Variants in DCP1B observed in about 807,000 individuals in gnomAD.
The protein encoded by DCP1B is mRNA-decapping enzyme 1B.
Under a neutral mutation model 60.5 loss-of-function variants are expected in DCP1B, and 47 were observed. The ratio of observed to expected loss-of-function variants is 0.78; its 90% CI spans 0.61 to 0.99. DCP1B has a LOEUF of 0.99. Ranked by LOEUF, DCP1B falls within the 50% of genes least tolerant of loss-of-function variation. The probability of loss-of-function intolerance (pLI) is 0.00; values close to 1 mark genes in which losing one functional copy is unlikely to be tolerated. For synonymous variants in DCP1B, 267 were observed against 280.3 expected (o/e 0.95, Z 0.47); for missense variants, 725 against 756.8 (o/e 0.96, Z 0.49).
downstream of DCP1B, among the ~76,000 whole-genome samples, chr12:1,943,615 G>A (rs572240971): frequency 3.3e-5 from 5 of 152,104 alleles, no homozygotes; most frequent in East Asian, 5.8e-4. Flanking sequence ...TTCATCCCTC[G>A]GATGCAAGGC....
intron 4 of DCP1B, among the ~76,000 whole-genome samples, 192 bp downstream of exon 4, chr12:1,967,652 T>C (rs1447487332): frequency 6.6e-6 from 1 of 152,270 alleles, no homozygotes; most frequent in Non-Finnish European, 1.5e-5. Context: ...ATAAATATTA[T>C]GCAGTGAAAC....
At chr12:1,964,976 C>T (rs528190739) in intron 5 of DCP1B, among the ~76,000 whole-genome samples, 3 of 152,162 alleles carry the variant, frequency 2.0e-5, no homozygotes, top group East Asian at 1.9e-4. Context: ...GAGCCTTACA[C>T]TCAACTTGTC....
chr12:1,990,904 C>T (rs1467504616), intron 3 of DCP1B, among the ~76,000 whole-genome samples: 5 of 150,642 alleles, frequency 3.3e-5, no homozygotes, highest in South Asian at 4.2e-4. Context: ...CTTTGATGCC[C>T]GGGATTGAAA....
rs2030504328 is a variant in DCP1B at position 1,948,037 on chromosome 12, A to G, written c.1773+1049T>C. Among the ~76,000 whole-genome samples, 2 of 152,222 alleles carry G rather than the reference A, an allele frequency of 1.3e-5. No individual in the cohort carries two copies. Among genetic ancestry groups the G allele is most frequent in the Non-Finnish European group, 2.9e-5 (2 of 68,030 alleles). ...TTTTTAAGTAGGATAAGACAACCGC[A>G]GAAGGGCTGGCCTGCTCTCTAAAGG... On this transcript the variant is annotated intron_variant, in intron 8 of 8. Transcript: ENST00000280665. This position sits in a 1 kb window ranked among gnomAD's most constrained non-coding sequence, Gnocchi z 4.8.
chr12:1,951,016 A>T (rs1286806410), intron 7 of DCP1B, among the ~76,000 whole-genome samples: 1 of 152,186 alleles, frequency 6.6e-6, no homozygotes, highest in Non-Finnish European at 1.5e-5. Context: ...TCACGACTGT[A>T]ATCCCAGCAC....
chr12:1,982,559 T>A (rs1003069539), intron 3 of DCP1B, among the ~76,000 whole-genome samples: 1 of 152,138 alleles, frequency 6.6e-6, no homozygotes, highest in Non-Finnish European at 1.5e-5. Flanking sequence ...TTATTCTCTT[T>A]TGAGGTTGAA....
chr12:1,985,403 C>T (rs1565827697), intron 3 of DCP1B, among the ~76,000 whole-genome samples: 1 of 152,164 alleles, frequency 6.6e-6, no homozygotes. Flanking sequence ...GCTATTAAGA[C>T]CATCCAAGAA....
At chr12:1,947,922 C>G (rs936233743) in intron 8 of DCP1B, among the ~76,000 whole-genome samples, 17 of 152,172 alleles carry the variant, frequency 1.1e-4, no homozygotes, top group African/African-American at 4.1e-4. Context: ...CTTGGCTTCC[C>G]AAAGTGCTGG....
intron 5 of DCP1B, among the ~76,000 whole-genome samples, chr12:1,958,443 A>G (rs2030982714): frequency 1.4e-5 from 2 of 143,498 alleles, no homozygotes; most frequent in African/African-American, 2.6e-5. Context: ...GAAACAGGGG[A>G]AAAGCTCCCT....
At chr12:1,944,898 CA>C (rs1260874708), downstream of DCP1B, among the ~76,000 whole-genome samples, 1 of 152,086 alleles carries the variant, frequency 6.6e-6, no homozygotes, top group Non-Finnish European at 1.5e-5. Context: ...ACTAAAACAC[CA>C]AAAGCAATGG....
intron 3 of DCP1B, among the ~76,000 whole-genome samples, chr12:1,988,676 G>A (rs151182648): frequency 6.6e-6 from 1 of 152,234 alleles, no homozygotes; most frequent in East Asian, 1.9e-4. Context: ...AACTAGGAGT[G>A]TGCTCACTCT....
intron 2 of DCP1B, among the ~76,000 whole-genome samples, chr12:1,995,728 C>A (rs2040635680): frequency 1.3e-5 from 2 of 152,234 alleles, no homozygotes; most frequent in Admixed American, 6.5e-5. Flanking sequence ...TTTTATCTTT[C>A]CAGCTGACTC....
intron 3 of DCP1B, chr12:1,991,002 A>G: frequency 5.1e-6 from 2 of 394,468 alleles, no homozygotes; most frequent in South Asian, 1.9e-5. Context: ...AAAAAAAGGC[A>G]AAATGAATCC....
chr12:1,971,569 A>G lies in DCP1B; in HGVS notation c.320-3659T>C, dbSNP rs2032285001. ...TTAGGTCCACAAAGACAAGGCAGAG[A>G]GCAAGCTGATTATATTCAGTAGTGG... is the stretch of plus-strand genomic sequence containing the variant. On this transcript the variant is annotated intron_variant, in intron 3 of 8. Transcript: ENST00000280665. This position sits in a 1 kb window ranked among gnomAD's most constrained non-coding sequence, Gnocchi z 4.2. 6.6e-6 allele frequency among the ~76,000 whole-genome samples: 1 copy of G among 152,208 alleles called. No individual in the cohort carries two copies. The highest frequency in any genetic ancestry group is 1.5e-5 in the Non-Finnish European group (1 of 68,028).
rs1225240481 is a variant in DCP1B at position 1,992,739 on chromosome 12, A to C, written c.319+525T>G. 6 of 182,266 alleles carry C rather than the reference A, an allele frequency of 3.3e-5. No individual in the cohort carries two copies. The South Asian group carries it at 3.8e-4, about 12-fold the overall frequency. 11.3% of individuals were successfully genotyped at this position (182,266 alleles called of 1,614,324 possible). ...TACCTACTACGACTTCCACATTACA[A>C]AGGGTTATTAAATTCTTAATGACTG... On this transcript the variant is annotated intron_variant, in intron 3 of 8. Transcript: ENST00000280665.
At position 2,004,342 on chromosome 12, in the gene DCP1B, G is replaced by A. The variant is rs1230822807; in HGVS notation, c.90C>T (p.Arg30=). The part of the protein sequence containing the change: ...ALQRHDPYIN[R]IVDVASQVAL... ...CCACCTGGCTGGCCACGTCCACGATGCGGTTGATATAGGGGTCGTGGCGCT... is the reference window on the plus strand; with the variant it reads ...CCACCTGGCTGGCCACGTCCACGATACGGTTGATATAGGGGTCGTGGCGCT... The change falls in exon 1 of 9, where the codon CGC becomes CGT. Residue 30 remains arginine (R), a synonymous_variant. Coordinates refer to ENST00000280665, the MANE Select transcript of DCP1B (RefSeq NM_152640.5). The A allele has an allele frequency of 2.5e-6, 4 of 1,613,284 alleles. No homozygotes were observed. Among genetic ancestry groups the A allele is most frequent in the East Asian group, 4.5e-5 (2 of 44,884 alleles).
At chr12:1,943,439 A>C (rs1390812731), downstream of DCP1B, among the ~76,000 whole-genome samples, 1 of 152,244 alleles carries the variant, frequency 6.6e-6, no homozygotes, top group Non-Finnish European at 1.5e-5. Flanking sequence ...TCATTTTATG[A>C]GGCCAGCATC....
chr12:1,965,414 T>A, intron 5 of DCP1B, 144 bp downstream of exon 5: 1 of 1,075,576 alleles, frequency 9.3e-7, no homozygotes, highest in African/African-American at 1.6e-5. Flanking sequence ...AAAAAATCTA[T>A]ATTACAAATA....
At chr12:1,986,880 A>G (rs956353558) in intron 3 of DCP1B, among the ~76,000 whole-genome samples, 6 of 152,196 alleles carry the variant, frequency 3.9e-5, no homozygotes, top group Non-Finnish European at 8.8e-5. Context: ...AAACAGTGGG[A>G]GAGATATACT....
Sources: gnomAD v4.1 joint callset for allele counts (sites outside exome capture counted in the v4.1 genomes callset) on GRCh38, gnomAD v4.1.1 for gene constraint, Gnocchi (gnomAD v3.1) non-coding constraint, MANE v1.5 for transcripts, NCBI Gene and HGNC (gene_info 2026-07-23, HGNC 2026-07-21) for gene names.